SEPTIN9: variants seen among roughly 807,000 people sequenced by gnomAD.
SEPTIN9 encodes septin-9.
In SEPTIN9, 13 loss-of-function variants were observed where a neutral mutation model predicts 56.6. That is an observed-to-expected ratio of 0.23 (90% confidence interval 0.15 to 0.37). The LOEUF is 0.37. SEPTIN9 is among the 10% of genes least tolerant of loss of function. SEPTIN9 has a pLI of 1.00. For missense variants in SEPTIN9, 650 were observed against 823.1 expected (o/e 0.79, Z 2.57); for synonymous variants, 332 against 334.1 (o/e 0.99, Z 0.07).
At chr17:77,325,074 C>T (rs2033082754) in intron 2 of SEPTIN9, among the ~76,000 whole-genome samples, 2 of 152,172 alleles carry the variant, frequency 1.3e-5, no homozygotes, top group Admixed American at 1.3e-4. Flanking sequence ...CCGTCTCGGC[C>T]TCCCAAAGTG....
chr17:77,413,140 G>T (rs1432630913), intron 3 of SEPTIN9, among the ~76,000 whole-genome samples: 1 of 150,414 alleles, frequency 6.6e-6, no homozygotes, highest in Non-Finnish European at 1.5e-5. Flanking sequence ...TATCAGTTTT[G>T]GTGTCTGCAT....
chr17:77,300,328 A>G lies in SEPTIN9; in HGVS notation c.20-6813A>G, dbSNP rs1471912215. On this transcript the variant is annotated intron_variant, in intron 1 of 11. Coordinates refer to ENST00000427177, the MANE Select transcript of SEPTIN9 (RefSeq NM_001113491.2). ...CTAAGGCAAGGAGGTTGCTCCCCTC[A>G]TGGATGAATAAATTGACTTTGATCC... is the stretch of plus-strand genomic sequence containing the variant. Among the ~76,000 whole-genome samples the G allele has an allele frequency of 2.4e-5, 3 of 125,630 alleles. No individual in the cohort carries two copies. The East Asian group carries it at 9.4e-4, about 39-fold the overall frequency. The allele number at this position is 125,630 out of a possible 152,430, so 82.4% of individuals were successfully genotyped here.
At position 77,499,334 on chromosome 17, in the gene SEPTIN9, G is replaced by A. The variant is rs755094876; in HGVS notation, c.*676G>A. On this transcript the variant is annotated 3_prime_UTR_variant, in exon 12 of 12. Transcript: ENST00000427177. ...ACTGCTTGGCCAGATGCGGGGACAGGCTGGAATGAGGGAGGCGTCTTCATC... is the reference window on the plus strand; with the variant it reads ...ACTGCTTGGCCAGATGCGGGGACAGACTGGAATGAGGGAGGCGTCTTCATC... The A allele has an allele frequency of 1.7e-6, 1 of 594,862 alleles. No individual in the cohort carries two copies. The highest frequency in any genetic ancestry group is 3.4e-5 in the East Asian group (1 of 29,464). 36.8% of individuals were successfully genotyped at this position (594,862 alleles called of 1,614,324 possible).
chr17:77,412,070 C>T (rs2036323042), intron 3 of SEPTIN9, among the ~76,000 whole-genome samples: 1 of 142,952 alleles, frequency 7.0e-6, no homozygotes, highest in African/African-American at 2.7e-5. Flanking sequence ...GCAGAGGTTG[C>T]AGTGAGCCAA....
Position 77,436,233 on chromosome 17 carries a change from A to T in SEPTIN9, c.721+33530A>T, listed in dbSNP as rs968090578. Among the ~76,000 whole-genome samples the T allele has an allele frequency of 1.3e-5, 2 of 152,162 alleles. No homozygotes were observed. The highest frequency in any genetic ancestry group is 2.9e-5 in the Non-Finnish European group (2 of 68,020). On this transcript the variant is annotated intron_variant, in intron 3 of 11. Coordinates refer to ENST00000427177, the MANE Select transcript of SEPTIN9 (RefSeq NM_001113491.2). The surrounding 1 kb of genome is among the most constrained non-coding windows in gnomAD (Gnocchi z 4.4). ...TCTCCAGCTTTCCCAGGGAAAGGGC[A>T]GGAACAGAGAGGCCTTATCTTCAGA...
intron 2 of SEPTIN9, among the ~76,000 whole-genome samples, chr17:77,335,670 T>C (rs34735425): frequency 6.2e-4 from 56 of 90,896 alleles, no homozygotes; most frequent in East Asian, 1.1e-3. Context: ...ATGTAGGCCC[T>C]ATGTTGACTG....
At chr17:77,444,153 G>A (rs1037110467) in intron 3 of SEPTIN9, among the ~76,000 whole-genome samples, 4 of 152,334 alleles carry the variant, frequency 2.6e-5, no homozygotes, top group Non-Finnish European at 5.9e-5. Flanking sequence ...TCCTTAGACA[G>A]GAGTGGGAAT....
chr17:77,470,296 A>C (rs954203743), intron 3 of SEPTIN9, among the ~76,000 whole-genome samples: 2 of 150,814 alleles, frequency 1.3e-5, no homozygotes, highest in Non-Finnish European at 2.9e-5. Flanking sequence ...CCATCTACTC[A>C]CCCACCCATC....
intron 2 of SEPTIN9, among the ~76,000 whole-genome samples, chr17:77,328,866 G>C (rs567326305): frequency 6.6e-6 from 1 of 152,346 alleles, no homozygotes; most frequent in African/African-American, 2.4e-5. Flanking sequence ...TGCTGGGGGT[G>C]CATATCTGTG....
At chr17:77,401,614 C>A (rs1379169572) in intron 2 of SEPTIN9, among the ~76,000 whole-genome samples, 1 of 152,044 alleles carries the variant, frequency 6.6e-6, no homozygotes, top group Non-Finnish European at 1.5e-5. Context: ...GGCATGGTGG[C>A]CCGTGCCTAT....
In SEPTIN9 at chr17:77,367,363, T is replaced by C. The variant is rs2143881799; in HGVS notation, c.77-34696T>C. On this transcript the variant is annotated intron_variant, in intron 2 of 11. Coordinates refer to ENST00000427177, the MANE Select transcript of SEPTIN9 (RefSeq NM_001113491.2). The surrounding 1 kb of genome is among the most constrained non-coding windows in gnomAD (Gnocchi z 4.5). Reference sequence around the variant, plus strand: ...GTGTTCTGAACGTCCCCTCTGCCCCTTTGGGCTCATGCCCCATCAGGAGTC... The same window carrying C: ...GTGTTCTGAACGTCCCCTCTGCCCCCTTGGGCTCATGCCCCATCAGGAGTC... Among the ~76,000 whole-genome samples the C allele has an allele frequency of 6.6e-6, 1 of 152,312 alleles. No individual in the cohort carries two copies. Among genetic ancestry groups the C allele is most frequent in the South Asian group, 2.1e-4 (1 of 4,828 alleles).
rs77036708 is a variant in SEPTIN9, at chr17:77,385,007, T to C, written c.77-17052T>C. 2.8e-3 allele frequency among the ~76,000 whole-genome samples: 430 copies of C among 152,304 alleles called. 11 individuals carry two copies. In the East Asian group the frequency reaches 0.069, roughly 24 times the overall value. On this transcript the variant is annotated intron_variant, in intron 2 of 11. Coordinates refer to ENST00000427177, the MANE Select transcript of SEPTIN9 (RefSeq NM_001113491.2). ...TTTTGCAAATTTTCGGCTTTGTGCC[T>C]AAATTCCTTTTACAGTCAGGAACAA...
At chr17:77,484,918 G>A (rs1235461760) in intron 4 of SEPTIN9, among the ~76,000 whole-genome samples, 1 of 148,022 alleles carries the variant, frequency 6.8e-6, no homozygotes, top group Non-Finnish European at 1.5e-5. Flanking sequence ...TGATGATGGT[G>A]GTGATTGTGA....
intron 2 of SEPTIN9, among the ~76,000 whole-genome samples, chr17:77,399,813 A>G (rs1225397217): frequency 2.0e-5 from 3 of 151,986 alleles, no homozygotes; most frequent in Non-Finnish European, 4.4e-5. Flanking sequence ...GTGCAGAGGG[A>G]CAGAGGGACA....
chr17:77,395,925 C>T (rs147840669), intron 2 of SEPTIN9, among the ~76,000 whole-genome samples: 1 of 152,210 alleles, frequency 6.6e-6, no homozygotes. Context: ...GTAAATCTTT[C>T]TGTACTTCTG....
chr17:77,297,370 A>G (rs2031864881), intron 1 of SEPTIN9, among the ~76,000 whole-genome samples: 2 of 152,184 alleles, frequency 1.3e-5, no homozygotes, highest in African/African-American at 4.8e-5. Context: ...TTGTCTGGCA[A>G]TGGAATGGTG....
chr17:77,289,631 C>T (rs2031447306), intron 1 of SEPTIN9, among the ~76,000 whole-genome samples: 1 of 152,092 alleles, frequency 6.6e-6, no homozygotes, highest in African/African-American at 2.4e-5. Flanking sequence ...TGGTCTCGAA[C>T]TCCCGACCTC....
In SEPTIN9 at chr17:77,371,126, A is replaced by T. The variant is rs978976584; in HGVS notation, c.77-30933A>T. On this transcript the variant is annotated intron_variant, in intron 2 of 11. Coordinates refer to ENST00000427177, the MANE Select transcript of SEPTIN9 (RefSeq NM_001113491.2). This position sits in a 1 kb window ranked among gnomAD's most constrained non-coding sequence, Gnocchi z 4.1. ...GCCAAGCCCTGATTTGGGTTTCCTG[A>T]AAGAGCTCGGGGAACCTCCTTACCT... Among the ~76,000 whole-genome samples the T allele has an allele frequency of 1.3e-5, 2 of 152,198 alleles. No homozygotes were observed. The highest frequency in any genetic ancestry group is 4.8e-5 in the African/African-American group (2 of 41,446).
chr17:77,440,111 G>A (rs2037490384), intron 3 of SEPTIN9, among the ~76,000 whole-genome samples: 1 of 152,058 alleles, frequency 6.6e-6, no homozygotes, highest in Non-Finnish European at 1.5e-5. Context: ...GGCACATTGC[G>A]ACAAAACACT....
Sources: allele counts gnomAD v4.1 joint callset (sites outside exome capture counted in the v4.1 genomes callset), GRCh38; gene constraint gnomAD v4.1.1; non-coding constraint Gnocchi (gnomAD v3.1); transcripts MANE v1.5; gene names NCBI Gene and HGNC (gene_info 2026-07-23, HGNC 2026-07-21).